Variants in CTNNA3 observed in about 807,000 individuals in gnomAD.
CTNNA3 encodes catenin alpha-3.
Under a neutral mutation model 95.7 loss-of-function variants are expected in CTNNA3, and 76 were observed. That is an observed-to-expected ratio of 0.79 (90% confidence interval 0.66 to 0.96). The LOEUF is 0.96. CTNNA3 is among the 40% of genes least tolerant of loss of function. The pLI is 0.00. For missense variants in CTNNA3, 1,191 were observed against 1,089.8 expected, an observed-to-expected ratio of 1.09 and a Z score of -1.31; for synonymous variants, 431 against 374.4, an observed-to-expected ratio of 1.15 and a Z score of -1.74.
chr10:66,959,563 C>T (rs1429989754), intron 7 of CTNNA3, among the ~76,000 whole-genome samples: 1 of 152,072 alleles, frequency 6.6e-6, no homozygotes, highest in Admixed American at 6.6e-5. Flanking sequence ...AGAGAATTAA[C>T]CTCTCTGGGA....
intron 10 of CTNNA3, among the ~76,000 whole-genome samples, chr10:66,582,355 C>T (rs1192098983): frequency 1.3e-5 from 2 of 151,750 alleles, no homozygotes; most frequent in Middle Eastern, 3.2e-3. Flanking sequence ...AGATACTACA[C>T]CTCCTTGGTT....
At chr10:67,170,676 T>TA (rs755968820) in intron 7 of CTNNA3, among the ~76,000 whole-genome samples, 3 of 152,156 alleles carry the variant, frequency 2.0e-5, no homozygotes, top group Non-Finnish European at 4.4e-5. Context: ...GTACCAGGCT[T>TA]AATACTTGGG....
Position 67,137,374 on chromosome 10 carries a change from T to C in CTNNA3, c.1047+42943A>G, listed in dbSNP as rs146802023. 1.1e-3 allele frequency among the ~76,000 whole-genome samples: 175 copies of C among 152,320 alleles called. 1 individual carries two copies. The highest frequency in any genetic ancestry group is 4.1e-3 in the African/African-American group (169 of 41,572). The stretch of plus-strand genomic sequence containing the variant: ...TTCCGCAAATAGATTGAGCCTATCA[T>C]GTTTTAATTTTGTTAATTTTAGTAA... On this transcript the variant is annotated intron_variant, in intron 7 of 17. Transcript: ENST00000433211.
chr10:66,593,797 A>G (rs750934765), intron 10 of CTNNA3, among the ~76,000 whole-genome samples: 2 of 151,930 alleles, frequency 1.3e-5, no homozygotes, highest in Non-Finnish European at 2.9e-5. Context: ...ACTATCCACA[A>G]TCTCGTGATT....
chr10:66,850,491 A>G (rs1434722400), intron 7 of CTNNA3, among the ~76,000 whole-genome samples: 1 of 152,150 alleles, frequency 6.6e-6, no homozygotes, highest in Non-Finnish European at 1.5e-5. Context: ...TTGCTATTCT[A>G]TATGCCTTAA....
intron 16 of CTNNA3, among the ~76,000 whole-genome samples, chr10:65,969,617 T>G (rs891874127): frequency 6.6e-6 from 1 of 152,124 alleles, no homozygotes; most frequent in African/African-American, 2.4e-5. Context: ...TAATTTAATT[T>G]CAAAACACAA....
chr10:66,908,495 A>G (rs1035518577), intron 7 of CTNNA3, among the ~76,000 whole-genome samples: 3 of 152,172 alleles, frequency 2.0e-5, no homozygotes, highest in African/African-American at 7.2e-5. Flanking sequence ...CAAAGACACT[A>G]TGAAGTGGTT....
intron 7 of CTNNA3, among the ~76,000 whole-genome samples, chr10:67,084,501 C>G (rs1289731526): frequency 6.6e-6 from 1 of 151,688 alleles, no homozygotes; most frequent in Non-Finnish European, 1.5e-5. Context: ...AAATTTCATT[C>G]ACAGCAGAAC....
chr10:67,504,312 G>C (rs562714708), intron 5 of CTNNA3, among the ~76,000 whole-genome samples: 1 of 150,826 alleles, frequency 6.6e-6, no homozygotes, highest in East Asian at 2.0e-4. Flanking sequence ...AATTGGCCGG[G>C]CGTGATGGCA....
chr10:66,143,831 T>C (rs936799688), intron 13 of CTNNA3, among the ~76,000 whole-genome samples: 2 of 152,194 alleles, frequency 1.3e-5, no homozygotes, highest in African/African-American at 4.8e-5. Context: ...GATATATATG[T>C]TACAATTTTC....
At chr10:67,143,430 A>AAAAAAAAAAAAAAAAAAAAAAC (rs1860688541) in intron 7 of CTNNA3, among the ~76,000 whole-genome samples, 1 of 149,692 alleles carries the variant, frequency 6.7e-6, no homozygotes, top group Non-Finnish European at 1.5e-5. Flanking sequence ...TGTCTTAAAA[A>AAAAAAAAAAAAAAAAAAAAAAC]AAAAAAAAAA....
intron 7 of CTNNA3, among the ~76,000 whole-genome samples, chr10:67,138,156 T>C (rs866491588): frequency 1.3e-5 from 2 of 151,600 alleles, no homozygotes; most frequent in Middle Eastern, 3.2e-3. Flanking sequence ...TGGGTGTGAG[T>C]GTGTGTGTGT....
At chr10:66,424,458 T>C (rs1316297914) in intron 11 of CTNNA3, among the ~76,000 whole-genome samples, 1 of 152,092 alleles carries the variant, frequency 6.6e-6, no homozygotes, top group East Asian at 1.9e-4. Flanking sequence ...TCATTGCAGA[T>C]TTAGACGCAT....
At chr10:66,067,298 C>A (rs550420218) in intron 15 of CTNNA3, among the ~76,000 whole-genome samples, 2 of 152,216 alleles carry the variant, frequency 1.3e-5, no homozygotes, top group East Asian at 1.9e-4. Context: ...CATATTCCAG[C>A]GAGGGTCTTG....
At chr10:67,128,725 G>C (rs10822979) in intron 7 of CTNNA3, among the ~76,000 whole-genome samples, 1 of 151,918 alleles carries the variant, frequency 6.6e-6, no homozygotes, top group African/African-American at 2.4e-5. Context: ...GCCCCAGAAG[G>C]TGTCCACATG....
chr10:67,514,119 T>C (rs963365449), intron 5 of CTNNA3, among the ~76,000 whole-genome samples: 28 of 152,032 alleles, frequency 1.8e-4, no homozygotes, highest in African/African-American at 6.8e-4. Context: ...GGCAACATGG[T>C]GAAACCCTGT....
At position 66,691,524 on chromosome 10, in the gene CTNNA3, G is replaced by A. The variant is rs549315073; in HGVS notation, c.1282-69740C>T. Among the ~76,000 whole-genome samples, 17 of 152,184 alleles carry A rather than the reference G, an allele frequency of 1.1e-4. No individual in the cohort carries two copies. In the South Asian group the frequency reaches 3.3e-3, roughly 30 times the overall value. On this transcript the variant is annotated intron_variant, in intron 9 of 17. Coordinates refer to ENST00000433211, the MANE Select transcript of CTNNA3 (RefSeq NM_013266.4). ...GCCTGCCTCTGTAGGCTCCACCTCT[G>A]GGGGCAGGGCACAGACAAACAAAGA...
intron 3 of CTNNA3, among the ~76,000 whole-genome samples, chr10:67,549,505 C>A (rs1309373503): frequency 2.0e-5 from 3 of 152,144 alleles, no homozygotes; most frequent in African/African-American, 7.2e-5. Flanking sequence ...ATTGTCCTTT[C>A]TTTTTACTTT....
intron 1 of CTNNA3, among the ~76,000 whole-genome samples, chr10:67,682,357 T>C (rs183847960): frequency 1.3e-4 from 19 of 150,660 alleles, no homozygotes; most frequent in Admixed American, 1.3e-3. Context: ...TAGAAAAAAT[T>C]GGGCAAGTAT....
Sources: allele counts gnomAD v4.1 joint callset (sites outside exome capture counted in the v4.1 genomes callset), GRCh38; gene constraint gnomAD v4.1.1; transcripts MANE v1.5; gene names NCBI Gene and HGNC (gene_info 2026-07-23, HGNC 2026-07-21).